LYSMD3: variants seen among roughly 807,000 people sequenced by gnomAD.
LYSMD3 encodes LysM domain containing 3.
LYSMD3 carries 13 observed loss-of-function variants against 26.1 expected under a neutral mutation model. The ratio of observed to expected loss-of-function variants is 0.50; its 90% confidence interval spans 0.32 to 0.79. The LOEUF (loss-of-function observed/expected upper bound fraction) is 0.79. Among genes scored for constraint, LYSMD3 ranks in the 30% least tolerant of loss-of-function variants. The probability of loss-of-function intolerance (pLI) is 0.03; values close to 1 mark genes in which losing one functional copy is unlikely to be tolerated. For synonymous variants in LYSMD3, 109 were observed against 119.4 expected (o/e 0.91, Z 0.57); for missense variants, 331 against 362.5 (o/e 0.91, Z 0.71).
chr5:90,520,464 G>T (rs144945511), intron 2 of LYSMD3: 1 of 454,208 alleles, frequency 2.2e-6, no homozygotes, highest in East Asian at 7.0e-5. Flanking sequence ...ATGGAACACT[G>T]TGGAGGGTAA....
At position 90,518,638 on chromosome 5, in the gene LYSMD3, A is replaced by G; in HGVS notation, c.*181T>C. The G allele has an allele frequency of 1.9e-6, 1 of 518,078 alleles. No homozygotes were observed. 32.1% of individuals were successfully genotyped at this position (518,078 alleles called of 1,614,324 possible). A position where few individuals can be genotyped will look rare whatever the true frequency, so the allele number is the denominator to read the frequency against. On this transcript the variant is annotated 3_prime_UTR_variant, in exon 3 of 3. Coordinates refer to ENST00000315948, the MANE Select transcript of LYSMD3 (RefSeq NM_198273.2). ...ATTCACACACCAGATTTATGGATCA[A>G]CTGCTCTCAACATCAACAACTAGTT...
chr5:90,517,586 C>T lies in LYSMD3; in HGVS notation c.*1233G>A, dbSNP rs1437121068. The T allele has an allele frequency of 2.0e-5, 3 of 151,974 alleles. No individual in the cohort carries two copies. The highest frequency in any genetic ancestry group is 2.9e-5 in the Non-Finnish European group (2 of 67,920). 9.4% of individuals were successfully genotyped at this position (151,974 alleles called of 1,614,324 possible). A position where few individuals can be genotyped will look rare whatever the true frequency, so the allele number is the denominator to read the frequency against. On this transcript the variant is annotated 3_prime_UTR_variant, in exon 3 of 3. Coordinates refer to ENST00000315948, the MANE Select transcript of LYSMD3 (RefSeq NM_198273.2). ...GATCTTAAAAAGAGGCACTACCACC[C>T]CCTTTCAAGCAATCTATACACCTTT...
rs1265346274 is a variant in LYSMD3 at position 90,517,567 on chromosome 5, A to T, written c.*1252T>A. The T allele has an allele frequency of 6.6e-6, 1 of 152,056 alleles. No homozygotes were observed. The highest frequency in any genetic ancestry group is 1.5e-5 in the Non-Finnish European group (1 of 67,930). 9.4% of individuals were successfully genotyped at this position (152,056 alleles called of 1,614,324 possible). A position where few individuals can be genotyped will look rare whatever the true frequency, so the allele number is the denominator to read the frequency against. On this transcript the variant is annotated 3_prime_UTR_variant, in exon 3 of 3. Transcript: ENST00000315948. ...GACTGTAGCCGACTCAACAGATCTT[A>T]AAAAGAGGCACTACCACCCCCTTTC... is the stretch of plus-strand genomic sequence containing the variant.
intron 2 of LYSMD3, among the ~76,000 whole-genome samples, chr5:90,520,943 C>A (rs1013708034): frequency 2.6e-5 from 4 of 151,420 alleles, no homozygotes; most frequent in African/African-American, 9.7e-5. Flanking sequence ...TAATTGAAGT[C>A]AAAGAGGTCA....
chr5:90,525,139 G>A lies in LYSMD3; in HGVS notation c.151C>T (p.Arg51Ter), dbSNP rs1280667204. ...AGTCTATCTCTTGATGTACTTCTTC[G>A]GACTTTCTCTTTTCCTCTGGATCGA... ...ELRSRGKEKV[R>*]RSTSRDRLDD... Residue 51 changes from arginine to a stop codon, truncating the protein, a stop_gained, in exon 2 of 3, where the codon CGA becomes TGA. Coordinates refer to ENST00000315948, the MANE Select transcript of LYSMD3 (RefSeq NM_198273.2). LOFTEE classifies it high-confidence loss of function. The A allele has an allele frequency of 1.2e-6, 2 of 1,613,638 alleles. No homozygotes were observed. The highest frequency in any genetic ancestry group is 2.2e-5 in the East Asian group (1 of 44,860).
rs772950583 is a variant in LYSMD3 at position 90,525,158 on chromosome 5, G to C, written c.132C>G (p.Ser44=). The stretch of plus-strand genomic sequence containing the variant: ...TTCTTCGGACTTTCTCTTTTCCTCT[G>C]GATCGAAGTTCATACACTTCAGCAT... ...EEDAEVYELR[S]RGKEKVRRST... The change falls in exon 2 of 3, where the codon TCC becomes TCG. Residue 44 remains serine, a synonymous_variant. Coordinates refer to ENST00000315948, the MANE Select transcript of LYSMD3 (RefSeq NM_198273.2). The C allele has an allele frequency of 1.2e-6, 2 of 1,613,966 alleles. No individual in the cohort carries two copies. The highest frequency in any genetic ancestry group is 3.3e-5 in the Admixed American group (2 of 59,998).
chr5:90,527,989 T>C (rs557528806), intron 1 of LYSMD3, among the ~76,000 whole-genome samples: 3 of 152,354 alleles, frequency 2.0e-5, no homozygotes, highest in African/African-American at 7.2e-5. Context: ...GCTACATTAT[T>C]ACCAAGAACT....
intron 1 of LYSMD3, among the ~76,000 whole-genome samples, chr5:90,528,181 G>C (rs1753271692): frequency 6.6e-6 from 1 of 152,026 alleles, no homozygotes; most frequent in African/African-American, 2.4e-5. Flanking sequence ...GAATCCTGTA[G>C]ATTCCAGGCA....
intron 2 of LYSMD3, among the ~76,000 whole-genome samples, chr5:90,522,406 G>A (rs1315553010): frequency 6.6e-6 from 1 of 152,166 alleles, no homozygotes. Context: ...TAATACAGTG[G>A]CCAATGCCAT....
intron 2 of LYSMD3, among the ~76,000 whole-genome samples, chr5:90,522,714 T>C (rs1321429138): frequency 6.6e-6 from 1 of 152,224 alleles, no homozygotes; most frequent in Non-Finnish European, 1.5e-5. Context: ...CTTACAATAT[T>C]TGTTCTCTTA....
chr5:90,520,738 G>A (rs893452099), intron 2 of LYSMD3, among the ~76,000 whole-genome samples: 5 of 152,046 alleles, frequency 3.3e-5, no homozygotes, highest in African/African-American at 9.7e-5. Context: ...TGGCCAACAG[G>A]TGAAACCCCA....
intron 2 of LYSMD3, 110 bp downstream of exon 2, chr5:90,524,925 G>T: frequency 1.9e-6 from 2 of 1,080,380 alleles, no homozygotes; most frequent in Non-Finnish European, 2.6e-6. Flanking sequence ...AAAAATAAGA[G>T]CAAAAAATGG....
intron 2 of LYSMD3, among the ~76,000 whole-genome samples, chr5:90,521,695 G>C (rs1753092850): frequency 1.3e-5 from 2 of 150,840 alleles, no homozygotes; most frequent in African/African-American, 4.9e-5. Flanking sequence ...TACTCTTTTT[G>C]AATTAGGGTT....
intron 1 of LYSMD3, chr5:90,527,086 CA>C (rs1356752512): frequency 5.3e-5 from 8 of 152,032 alleles, no homozygotes; most frequent in Non-Finnish European, 1.2e-4. Flanking sequence ...AATAACATCT[CA>C]AAGACTCACT....
intron 2 of LYSMD3, chr5:90,520,454 A>T (rs957091873): frequency 6.6e-6 from 3 of 455,960 alleles, no homozygotes; most frequent in East Asian, 7.0e-5. Flanking sequence ...TCATTGAGAA[A>T]TGGAACACTG....
rs866788914 is a variant in LYSMD3, at chr5:90,529,513, C to A, written c.-77G>T. 2 of 456,700 alleles carry A rather than the reference C, an allele frequency of 4.4e-6. No individual in the cohort carries two copies. The highest frequency in any genetic ancestry group is 7.0e-5 in the East Asian group (1 of 14,368). 28.3% of individuals were successfully genotyped at this position (456,700 alleles called of 1,614,324 possible). On this transcript the variant is annotated 5_prime_UTR_variant, in exon 1 of 3. Coordinates refer to ENST00000315948, the MANE Select transcript of LYSMD3 (RefSeq NM_198273.2). ...AAAAGGTCCGCCGCCGCCGCTGTCC[C>A]GGGTAAGTTCATGGCCGAGCCTCTG...
At chr5:90,525,859 C>A (rs1237492154) in intron 1 of LYSMD3, among the ~76,000 whole-genome samples, 1 of 152,116 alleles carries the variant, frequency 6.6e-6, no homozygotes, top group Non-Finnish European at 1.5e-5. Context: ...TCACTAAACA[C>A]GTGGAGTAAT....
chr5:90,525,070 TA>T lies in LYSMD3; in HGVS notation c.219del (p.Asp73GlufsTer3), dbSNP rs1222184369. ...IVLTKDIQEG[D>X]TLNAIALQYC... ...TACTGAAGGGCTATTGCATTTAATG[TA>T]TCTCCTTCTTGTATATCTTTTGTTA... On this transcript the variant is annotated frameshift_variant, in exon 2 of 3. Transcript: ENST00000315948. LOFTEE classifies it high-confidence loss of function. 3.1e-6 allele frequency: 5 copies of T among 1,611,882 alleles called. No homozygotes were observed. Among genetic ancestry groups the T allele is most frequent in the Non-Finnish European group, 4.2e-6 (5 of 1,178,368 alleles).
intron 2 of LYSMD3, among the ~76,000 whole-genome samples, chr5:90,523,577 C>A (rs922039316): frequency 1.3e-5 from 2 of 151,940 alleles, no homozygotes; most frequent in Non-Finnish European, 2.9e-5. Context: ...TATAAAATCT[C>A]ATGCTATTGA....
Sources: allele counts gnomAD v4.1 joint callset (sites outside exome capture counted in the v4.1 genomes callset), GRCh38; gene constraint gnomAD v4.1.1; transcripts MANE v1.5; gene names NCBI Gene and HGNC (gene_info 2026-07-23, HGNC 2026-07-21).